JAZF1: variants seen among roughly 807,000 people sequenced by gnomAD.
The protein encoded by JAZF1 is JAZF zinc finger 1.
Under a neutral mutation model 26.4 loss-of-function variants are expected in JAZF1, and 8 were observed. The observed-to-expected ratio is 0.30, with a 90% CI of 0.18 to 0.55. JAZF1 has a LOEUF of 0.55. Among genes scored for constraint, JAZF1 ranks in the 20% least tolerant of loss-of-function variants. JAZF1 has a pLI of 0.94. For missense variants in JAZF1, 199 were observed against 322.0 expected (o/e 0.62, Z 2.92); for synonymous variants, 126 against 122.3 (o/e 1.03, Z -0.20).
chr7:27,878,265 T>C (rs6943712), intron 3 of JAZF1, among the ~76,000 whole-genome samples: 123,746 of 152,056 alleles, frequency 0.81, 50,711 homozygotes, highest in African/African-American at 0.88. Context: ...TACATGTCCT[T>C]GACTCTACAC....
At chr7:28,061,120 C>G (rs1783790332) in intron 1 of JAZF1, among the ~76,000 whole-genome samples, 1 of 152,186 alleles carries the variant, frequency 6.6e-6, no homozygotes, top group Non-Finnish European at 1.5e-5. Flanking sequence ...TAGTACTTGC[C>G]TCATACATGG....
intron 2 of JAZF1, among the ~76,000 whole-genome samples, chr7:27,966,730 G>C (rs1785282549): frequency 6.6e-6 from 1 of 152,164 alleles, no homozygotes; most frequent in Non-Finnish European, 1.5e-5. Context: ...ATTAGTTAAA[G>C]CCTTTGAATA....
chr7:28,174,486 C>T (rs1357106998), intron 1 of JAZF1, among the ~76,000 whole-genome samples: 2 of 152,252 alleles, frequency 1.3e-5, no homozygotes, highest in African/African-American at 4.8e-5. Context: ...ATTTCTAGAA[C>T]TGTCAACGTA....
At chr7:28,115,693 T>C (rs779297951) in intron 1 of JAZF1, among the ~76,000 whole-genome samples, 1 of 152,102 alleles carries the variant, frequency 6.6e-6, no homozygotes, top group Non-Finnish European at 1.5e-5. Flanking sequence ...TACAACAGAG[T>C]ACACAATGAA....
chr7:28,089,286 T>A (rs944802843), intron 1 of JAZF1, among the ~76,000 whole-genome samples: 1 of 152,326 alleles, frequency 6.6e-6, no homozygotes, highest in East Asian at 1.9e-4. Flanking sequence ...TTGCTTCCTC[T>A]CTCTCTGCAC....
At chr7:27,987,429 G>A (rs951998630) in intron 2 of JAZF1, among the ~76,000 whole-genome samples, 10 of 151,452 alleles carry the variant, frequency 6.6e-5, no homozygotes, top group African/African-American at 1.7e-4. Flanking sequence ...CAGCCGCCCC[G>A]TCTGGGAAGT....
chr7:27,896,978 C>T (rs1784076488), intron 2 of JAZF1, among the ~76,000 whole-genome samples: 1 of 152,204 alleles, frequency 6.6e-6, no homozygotes, highest in Non-Finnish European at 1.5e-5. Context: ...ACTCATTTAT[C>T]TTCAGATGCA....
At chr7:27,897,706 C>T (rs73685842) in intron 2 of JAZF1, among the ~76,000 whole-genome samples, 3,668 of 152,228 alleles carry the variant, frequency 0.024, 139 homozygotes, top group African/African-American at 0.077. Flanking sequence ...GGAGCTATGC[C>T]CAGAGCGTGT....
intron 1 of JAZF1, among the ~76,000 whole-genome samples, chr7:28,179,020 A>G (rs1290300810): frequency 6.6e-6 from 1 of 152,242 alleles, no homozygotes; most frequent in Non-Finnish European, 1.5e-5. Context: ...TAAGCAAAGG[A>G]GCATAGGGTT....
At chr7:27,921,993 C>T (rs1784536649) in intron 2 of JAZF1, among the ~76,000 whole-genome samples, 2 of 152,166 alleles carry the variant, frequency 1.3e-5, no homozygotes, top group African/African-American at 4.8e-5. Flanking sequence ...AGTTTTCATT[C>T]GAATGAATGA....
chr7:27,917,422 A>G (rs1329439625), intron 2 of JAZF1, among the ~76,000 whole-genome samples: 1 of 152,226 alleles, frequency 6.6e-6, no homozygotes, highest in Non-Finnish European at 1.5e-5. Context: ...AACTGCTTCC[A>G]TTAGCTTAGA....
chr7:28,139,277 C>T (rs2127945030), intron 1 of JAZF1, among the ~76,000 whole-genome samples: 1 of 152,354 alleles, frequency 6.6e-6, no homozygotes, highest in African/African-American at 2.4e-5. Flanking sequence ...TGTGCATCAG[C>T]CAGAGGCCCA....
chr7:28,009,241 C>CAA (rs35774047), intron 1 of JAZF1, among the ~76,000 whole-genome samples: 2 of 143,552 alleles, frequency 1.4e-5, no homozygotes, highest in African/African-American at 5.1e-5. Flanking sequence ...AACATACTTT[C>CAA]AAAAAAAAAA....
At chr7:27,833,331 T>C (rs1377153568) in intron 4 of JAZF1, among the ~76,000 whole-genome samples, 1 of 152,254 alleles carries the variant, frequency 6.6e-6, no homozygotes, top group African/African-American at 2.4e-5. Context: ...TGAACAATCC[T>C]ACACAAATAT....
chr7:27,934,896 C>T (rs1252691930), intron 2 of JAZF1, among the ~76,000 whole-genome samples: 2 of 152,214 alleles, frequency 1.3e-5, no homozygotes, highest in East Asian at 1.9e-4. Context: ...CAAATGATAT[C>T]GTCAAGTAAG....
intron 2 of JAZF1, chr7:27,914,852 C>T (rs1784418774): frequency 2.1e-6 from 1 of 471,020 alleles, no homozygotes. Context: ...ATGCACTGGG[C>T]TCCTCTGTTC....
intron 1 of JAZF1, among the ~76,000 whole-genome samples, chr7:28,108,747 C>T (rs1358166141): frequency 6.6e-6 from 1 of 152,182 alleles, no homozygotes; most frequent in Non-Finnish European, 1.5e-5. Context: ...GAGATACCTG[C>T]ACTCCTGTGT....
intron 1 of JAZF1, among the ~76,000 whole-genome samples, chr7:28,150,125 T>C (rs1363884299): frequency 6.6e-6 from 1 of 152,162 alleles, no homozygotes; most frequent in Non-Finnish European, 1.5e-5. Flanking sequence ...AGTGTTACTA[T>C]AAGGAGGACA....
At chr7:27,915,536 GTAAT>G (rs1230203053) in intron 2 of JAZF1, among the ~76,000 whole-genome samples, 16 of 152,174 alleles carry the variant, frequency 1.1e-4, no homozygotes, top group Non-Finnish European at 2.2e-4. Context: ...TTGCTGTAGA[GTAAT>G]TAAAAATGAA....
Sources: allele counts gnomAD v4.1 joint callset (sites outside exome capture counted in the v4.1 genomes callset), GRCh38; gene constraint gnomAD v4.1.1; transcripts MANE v1.5; gene names NCBI Gene and HGNC (gene_info 2026-07-23, HGNC 2026-07-21).